MACF1: variants seen among roughly 807,000 people sequenced by gnomAD.
MACF1 encodes the protein microtubule actin crosslinking factor 1.
MACF1 carries 193 observed loss-of-function variants against 854.8 expected under a neutral mutation model. The observed-to-expected ratio is 0.23, with a 90% confidence interval of 0.20 to 0.25. The LOEUF (loss-of-function observed/expected upper bound fraction) is 0.25, where lower values mean the gene tolerates loss of function less well. Among genes scored for constraint, MACF1 ranks in the 10% least tolerant of loss-of-function variants. MACF1 has a pLI of 1.00. For synonymous variants in MACF1, 3,185 were observed against 3,226.7 expected, an observed-to-expected ratio of 0.99 and a Z score of 0.44; for missense variants, 7,722 against 8,929.1, an observed-to-expected ratio of 0.86 and a Z score of 5.45.
At chr1:39,448,487 TATTC>T in intron 83 of MACF1, 103 bp from the exon 84 acceptor site, 1 of 882,946 alleles carries the variant, frequency 1.1e-6, no homozygotes, top group Non-Finnish European at 1.6e-6. Context: ...AAAGTGGTGA[TATTC>T]ATACTTTATT....
intron 23 of MACF1, 80 bp from the exon 24 acceptor site, chr1:39,309,490 A>G (rs1646256849): frequency 6.5e-7 from 1 of 1,543,132 alleles, no homozygotes; most frequent in East Asian, 2.3e-5. Flanking sequence ...TGCTAAGGCA[A>G]TCACATTTTT....
chr1:39,437,809 A>G lies in MACF1; in HGVS notation c.18021A>G (p.Thr6007=). Residue 6007 remains threonine, a synonymous_variant, in exon 71 of 101, where the codon ACA becomes ACG. Coordinates refer to ENST00000564288, the MANE Select transcript of MACF1 (RefSeq NM_001394062.1). ...FHDKIEPMLE[T]LENLSSRLRM... is the part of the protein sequence containing the mutation. ...ATAAAATTGAGCCTATGTTGGAGAC[A>G]CTGGAGAATCTTTCCTCTCGCCTGC... The G allele has an allele frequency of 2.5e-6, 4 of 1,614,138 alleles. No homozygotes were observed. The highest frequency in any genetic ancestry group is 2.5e-6 in the Non-Finnish European group (3 of 1,179,976).
Position 39,287,360 on chromosome 1 carries a change from C to T in MACF1, c.1583C>T (p.Thr528Ile). ...AACCTGTACCGGAAGGGTCATTTCA[C>T]TTCACTTGAATTGGTTCCACCCTCT... ...CTNLYRKGHF[T>I]SLELVPPSTL... The change falls in exon 15 of 101, where the codon ACT becomes ATT. Residue 528 changes from threonine (T) to isoleucine (I), a missense_variant. Around this residue, in one of 15 missense-constraint regions of MACF1, gnomAD observed 1,137 missense variants for 1,263.0 expected, o/e 0.90. Coordinates refer to ENST00000564288, the MANE Select transcript of MACF1 (RefSeq NM_001394062.1). 1 of 1,614,168 alleles carries T rather than the reference C, an allele frequency of 6.2e-7. No individual in the cohort carries two copies. Among genetic ancestry groups the T allele is most frequent in the Non-Finnish European group, 8.5e-7 (1 of 1,180,022 alleles).
At chr1:39,415,115 T>C (rs1001476153) in intron 58 of MACF1, among the ~76,000 whole-genome samples, 11 of 152,212 alleles carry the variant, frequency 7.2e-5, no homozygotes, top group Non-Finnish European at 1.6e-4. Flanking sequence ...GCAATAAAGC[T>C]AAATGATTAA....
intron 56 of MACF1, among the ~76,000 whole-genome samples, chr1:39,383,225 T>C (rs1650399778): frequency 6.6e-6 from 1 of 152,226 alleles, no homozygotes; most frequent in South Asian, 2.1e-4. Context: ...GTCCATGTCT[T>C]CTCAACTTAC....
At chr1:39,171,905 C>G (rs1351200042) in intron 2 of MACF1, among the ~76,000 whole-genome samples, 1 of 152,214 alleles carries the variant, frequency 6.6e-6, no homozygotes, top group East Asian at 1.9e-4. Flanking sequence ...GGATTATAGG[C>G]GTGAGCCACC....
intron 2 of MACF1, 177 bp from the exon 3 acceptor site, chr1:39,249,837 A>G: frequency 4.0e-6 from 2 of 499,226 alleles, no homozygotes; most frequent in South Asian, 2.8e-5. Context: ...CTGGTAAAGT[A>G]TTATCATTTC....
intron 6 of MACF1, among the ~76,000 whole-genome samples, chr1:39,273,686 C>T (rs1356140545): frequency 6.6e-6 from 1 of 152,094 alleles, no homozygotes; most frequent in East Asian, 1.9e-4. Context: ...GAACCTCTGC[C>T]TCCCGGGTTC....
intron 2 of MACF1, among the ~76,000 whole-genome samples, chr1:39,128,470 A>G (rs1415846544): frequency 6.6e-6 from 1 of 152,124 alleles, no homozygotes; most frequent in Non-Finnish European, 1.5e-5. Context: ...TGGGATGCTG[A>G]TGGATCACAA....
chr1:39,469,611 CATAGG>C lies in MACF1; in HGVS notation c.21955_21958+1del. The C allele has an allele frequency of 6.4e-7, 1 of 1,550,432 alleles. No individual in the cohort carries two copies. Among genetic ancestry groups the C allele is most frequent in the Non-Finnish European group, 8.7e-7 (1 of 1,146,852 alleles). ...GCTCTTCGATTTCCAGTCAGTCTCC[CATAGG>C]TTGGCTTTTAAGCTTTGTCCCTCTT... On this transcript the variant is annotated splice_donor_variant and coding_sequence_variant, in exon 97 of 101. Coordinates refer to ENST00000564288, the MANE Select transcript of MACF1 (RefSeq NM_001394062.1). LOFTEE classifies it high-confidence loss of function.
chr1:39,181,150 C>T (rs1028769717), intron 2 of MACF1, among the ~76,000 whole-genome samples: 1 of 152,250 alleles, frequency 6.6e-6, no homozygotes, highest in African/African-American at 2.4e-5. Context: ...TCAAGCGGTA[C>T]ACCCGCCTTG....
chr1:39,225,907 T>C (rs959272891), intron 1 of MACF1, among the ~76,000 whole-genome samples: 14 of 152,206 alleles, frequency 9.2e-5, no homozygotes, highest in African/African-American at 3.4e-4. Context: ...GCTATTATTC[T>C]GAAGGTCAGC....
Position 39,385,671 on chromosome 1 carries a change from T to C in MACF1, c.14086T>C (p.Ser4696Pro), listed in dbSNP as rs1250497284. The change falls in exon 57 of 101, where the codon TCA (serine) becomes CCA (proline). Residue 4696 changes from serine (S) to proline (P), a missense_variant. Ser to Pro is a moderately conservative substitution (Grantham distance 74). Around this residue, in one of 15 missense-constraint regions of MACF1, gnomAD observed 2,807 missense variants for 3,235.8 expected, o/e 0.87. Transcript: ENST00000564288. The stretch of plus-strand genomic sequence containing the variant: ...GTACCAGGAACTGCTCCAGGACTTA[T>C]CAGAGAAGGTGAGGGCAGTTGGACA... The part of the protein sequence containing the change: ...TQYQELLQDL[S>P]EKVRAVGQRL... 1.2e-6 allele frequency: 2 copies of C among 1,614,030 alleles called. No individual in the cohort carries two copies. Among genetic ancestry groups the C allele is most frequent in the South Asian group, 1.1e-5 (1 of 91,084 alleles).
intron 4 of MACF1, among the ~76,000 whole-genome samples, chr1:39,252,952 G>A (rs967899276): frequency 6.6e-6 from 1 of 152,128 alleles, no homozygotes; most frequent in Non-Finnish European, 1.5e-5. Context: ...TTAATTTGGA[G>A]CAATGTTGTT....
chr1:39,384,604 G>GA (rs904127137), intron 56 of MACF1, among the ~76,000 whole-genome samples: 18 of 151,444 alleles, frequency 1.2e-4, no homozygotes, highest in Admixed American at 1.3e-4. Context: ...GATATGAAAA[G>GA]AAAAAAAAGC....
chr1:39,227,525 A>G (rs963919096), intron 1 of MACF1, among the ~76,000 whole-genome samples: 5 of 152,230 alleles, frequency 3.3e-5, no homozygotes, highest in African/African-American at 1.2e-4. Flanking sequence ...AGTAAGTAAC[A>G]TAGATATTTG....
At chr1:39,268,874 A>C in intron 6 of MACF1, 6 of 1,289,700 alleles carry the variant, frequency 4.7e-6, no homozygotes, top group Non-Finnish European at 6.1e-6. Flanking sequence ...GAGTCATTGA[A>C]GAGACTGAAA....
Position 39,387,382 on chromosome 1 carries a change from G to A in MACF1, c.14540G>A (p.Ser4847Asn). Residue 4847 changes from serine (S) to asparagine (N), a missense_variant, in exon 58 of 101, where the codon AGT becomes AAT. This residue lies in a region of MACF1 where 2,807 missense variants were observed against 3,235.8 expected (regional missense o/e 0.87). Transcript: ENST00000564288. ...TTTCAGAAAAGTCTTAATCAACACA[G>A]TGGCTCCTATGAGGTGATTGTGGCT... ...EEFQKSLNQH[S>N]GSYEVIVAEG... The A allele has an allele frequency of 6.2e-7, 1 of 1,614,212 alleles. No homozygotes were observed. The highest frequency in any genetic ancestry group is 2.2e-5 in the East Asian group (1 of 44,886).
intron 1 of MACF1, among the ~76,000 whole-genome samples, chr1:39,227,966 G>T (rs954571609): frequency 8.5e-5 from 13 of 152,122 alleles, no homozygotes; most frequent in African/African-American, 3.1e-4. Flanking sequence ...ATGTTCATGA[G>T]CACTCTGTGC....
Sources: allele counts gnomAD v4.1 joint callset (sites outside exome capture counted in the v4.1 genomes callset), GRCh38; gene constraint gnomAD v4.1.1; regional missense constraint gnomAD v4.1.1; transcripts MANE v1.5; gene names NCBI Gene and HGNC (gene_info 2026-07-23, HGNC 2026-07-21).